The following DDX31 variants were observed in gnomAD, a reference collection of about 807,000 sequenced individuals.
DDX31 encodes DEAD-box helicase 31.
DDX31 carries 70 observed loss-of-function variants against 91.3 expected under a neutral mutation model. The observed-to-expected ratio is 0.77, with a 90% CI of 0.63 to 0.94. DDX31 has a LOEUF of 0.94. DDX31 is among the 40% of genes least tolerant of loss of function. DDX31 has a pLI of 0.00. For missense variants in DDX31, 902 were observed against 925.0 expected (o/e 0.98, Z 0.32); for synonymous variants, 362 against 350.6 (o/e 1.03, Z -0.36).
At position 132,633,602 on chromosome 9, in the gene DDX31, T is replaced by C. The variant is rs377288357; in HGVS notation, c.1441-1511A>G. ...ATTTTGAGTGTGTCTAGTATGCTTG[T>C]GTAAGAAGTTGGGAAAATACAAACA... is the stretch of plus-strand genomic sequence containing the variant. On this transcript the variant is annotated intron_variant, in intron 14 of 19. Transcript: ENST00000372159. 3.8e-4 allele frequency among the ~76,000 whole-genome samples: 57 copies of C among 151,986 alleles called. 2 individuals are homozygous for C. The South Asian group carries it at 0.011, about 28-fold the overall frequency.
intron 10 of DDX31, 34 bp downstream of exon 10, chr9:132,648,398 C>G (rs1208206476): frequency 1.2e-6 from 2 of 1,611,110 alleles, no homozygotes; most frequent in South Asian, 1.1e-5. Flanking sequence ...CAGCCCTTCT[C>G]TTCTACCTGT....
intron 1 of DDX31, chr9:132,663,167 G>C (rs2130852993): frequency 1.6e-6 from 2 of 1,288,894 alleles, no homozygotes; most frequent in African/African-American, 1.5e-5. Context: ...AGGAGAGAGG[G>C]GCGAGGGGGA....
intron 5 of DDX31, among the ~76,000 whole-genome samples, chr9:132,659,390 C>T (rs367614567): frequency 6.6e-6 from 1 of 152,176 alleles, no homozygotes; most frequent in East Asian, 1.9e-4. Context: ...GTGTTTAACA[C>T]CAGAAGAAGA....
chr9:132,641,091 T>C (rs770372331), intron 14 of DDX31, among the ~76,000 whole-genome samples: 1 of 152,154 alleles, frequency 6.6e-6, no homozygotes, highest in East Asian at 1.9e-4. Context: ...CACACATATA[T>C]AAACACACAA....
chr9:132,630,550 C>T (rs1832659609), intron 15 of DDX31, 147 bp from the exon 16 acceptor site: 6 of 768,506 alleles, frequency 7.8e-6, no homozygotes, highest in Non-Finnish European at 1.1e-5. Context: ...GGAGAAGTCA[C>T]CCAACCCTGA....
chr9:132,667,776 C>G (rs1191615044), intron 1 of DDX31, among the ~76,000 whole-genome samples: 1 of 152,164 alleles, frequency 6.6e-6, no homozygotes, highest in East Asian at 1.9e-4. Context: ...AGGACACAAG[C>G]ACCCCACTGA....
rs1174222868 is a variant in DDX31, at chr9:132,593,131, T to C, written c.*1735A>G. ...TAGAAACAGACCCACATAGCATCTA[T>C]GGCAAGAAACCCTCACCATAAGAGT... On this transcript the variant is annotated 3_prime_UTR_variant, in exon 20 of 20. Coordinates refer to ENST00000372159, the MANE Select transcript of DDX31 (RefSeq NM_022779.9). The C allele has an allele frequency of 1.3e-5, 2 of 152,210 alleles. No individual in the cohort carries two copies. The highest frequency in any genetic ancestry group is 2.9e-5 in the Non-Finnish European group (2 of 68,038). The allele number at this position is 152,210 out of a possible 1,614,324, so 9.4% of individuals were successfully genotyped here.
chr9:132,659,904 A>G (rs1196252562), intron 4 of DDX31, 124 bp from the exon 5 acceptor site: 2 of 795,522 alleles, frequency 2.5e-6, no homozygotes, highest in Admixed American at 4.7e-5. Context: ...CTTAGAAGCT[A>G]TCAAAGCATT....
rs73659424 is a variant in DDX31, at chr9:132,625,669, C to A, written c.1708G>T (p.Ala570Ser). ...DDCFKGKRWG[A>S]QKSHAVGPQE... ...CAATAAATAACAAAACTCACCTGGG[C>A]TCCCCATCGTTTCCCTTTAAAACAA... The change falls in exon 17 of 20, where the codon GCC becomes TCC. Residue 570 changes from alanine (A) to serine (S), a missense_variant. Ala to Ser is a moderately conservative substitution (Grantham distance 99, BLOSUM62 1). Coordinates refer to ENST00000372159, the MANE Select transcript of DDX31 (RefSeq NM_022779.9). The A allele has an allele frequency of 3.9e-4, 632 of 1,613,616 alleles. 1 individual carries two copies. The African/African-American group carries it at 7.7e-3, about 20-fold the overall frequency.
chr9:132,647,507 C>T (rs1344150712), intron 11 of DDX31, among the ~76,000 whole-genome samples: 1 of 152,174 alleles, frequency 6.6e-6, no homozygotes, highest in Non-Finnish European at 1.5e-5. Context: ...AGAATCCCTT[C>T]TTCGTGAATC....
At chr9:132,629,589 T>C (rs1239407753) in intron 16 of DDX31, among the ~76,000 whole-genome samples, 2 of 152,188 alleles carry the variant, frequency 1.3e-5, no homozygotes, top group Non-Finnish European at 2.9e-5. Context: ...TCTAGCACTG[T>C]ACTTTAGGGG....
Position 132,645,887 on chromosome 9 carries a change from G to A in DDX31, c.1380+8C>T. 6.2e-7 allele frequency: 1 copy of A among 1,609,282 alleles called. No homozygotes were observed. Among genetic ancestry groups the A allele is most frequent in the Non-Finnish European group, 8.5e-7 (1 of 1,177,210 alleles). Reference sequence around the variant, plus strand: ...GTGTTGTCGCTGCACAGGGAGATCAGTGCTCACCTCCTGCTCCATGCCGCC... The same window carrying A: ...GTGTTGTCGCTGCACAGGGAGATCAATGCTCACCTCCTGCTCCATGCCGCC... On this transcript the variant is annotated splice_region_variant and intron_variant, in intron 13 of 19. Coordinates refer to ENST00000372159, the MANE Select transcript of DDX31 (RefSeq NM_022779.9).
chr9:132,661,544 G>A (rs537842875), intron 3 of DDX31, among the ~76,000 whole-genome samples: 1 of 152,132 alleles, frequency 6.6e-6, no homozygotes, highest in Admixed American at 6.5e-5. Context: ...CAGTGCACAG[G>A]ACAGTCCCCA....
intron 17 of DDX31, among the ~76,000 whole-genome samples, chr9:132,624,247 G>T (rs555734161): frequency 1.3e-5 from 2 of 151,370 alleles, no homozygotes; most frequent in South Asian, 4.2e-4. Flanking sequence ...CAAAAGAACG[G>T]AAGTGTGCCA....
intron 14 of DDX31, among the ~76,000 whole-genome samples, chr9:132,640,101 T>A (rs1466578723): frequency 1.3e-5 from 2 of 152,120 alleles, no homozygotes; most frequent in African/African-American, 4.8e-5. Context: ...TGCAAACAAA[T>A]CACAGTCCTT....
At chr9:132,647,381 G>A (rs1367137885) in intron 11 of DDX31, among the ~76,000 whole-genome samples, 1 of 151,982 alleles carries the variant, frequency 6.6e-6, no homozygotes, top group African/African-American at 2.4e-5. Flanking sequence ...GGATTTCAAA[G>A]GTTTCACAAA....
At position 132,595,622 on chromosome 9, in the gene DDX31, G is replaced by C. The variant is rs1410983369; in HGVS notation, c.1995-510C>G. ...CCACGCAGCCCTCCAGGGTTCCACA[G>C]TGAAGGCTGGGATGACAGCCAGATA... On this transcript the variant is annotated intron_variant, in intron 19 of 19. Coordinates refer to ENST00000372159, the MANE Select transcript of DDX31 (RefSeq NM_022779.9). The surrounding 1 kb of genome is among the most constrained non-coding windows in gnomAD (Gnocchi z 4.6). 6.6e-6 allele frequency among the ~76,000 whole-genome samples: 1 copy of C among 152,204 alleles called. No individual in the cohort carries two copies. The highest frequency in any genetic ancestry group is 2.4e-5 in the African/African-American group (1 of 41,444).
At chr9:132,602,314 G>A (rs1401018605) in intron 19 of DDX31, among the ~76,000 whole-genome samples, 1 of 152,228 alleles carries the variant, frequency 6.6e-6, no homozygotes, top group African/African-American at 2.4e-5. Flanking sequence ...GGGCCAGGCT[G>A]GGCAGACTCA....
At chr9:132,609,551 T>A (rs1831208561) in intron 19 of DDX31, among the ~76,000 whole-genome samples, 1 of 152,198 alleles carries the variant, frequency 6.6e-6, no homozygotes, top group Non-Finnish European at 1.5e-5. Flanking sequence ...TAAAGGGAGA[T>A]CATCTGCTAA....
Sources: gnomAD v4.1 joint callset for allele counts (sites outside exome capture counted in the v4.1 genomes callset) on GRCh38, gnomAD v4.1.1 for gene constraint, Gnocchi (gnomAD v3.1) non-coding constraint, MANE v1.5 for transcripts, NCBI Gene and HGNC (gene_info 2026-07-23, HGNC 2026-07-21) for gene names.